EGFLAM: variants seen among roughly 807,000 people sequenced by gnomAD.
EGFLAM encodes pikachurin.
In EGFLAM, 79 loss-of-function variants were observed where a neutral mutation model predicts 113.1. The ratio of observed to expected loss-of-function variants is 0.70; its 90% confidence interval spans 0.58 to 0.84. The LOEUF is 0.84. Ranked by LOEUF, EGFLAM falls within the 40% of genes least tolerant of loss-of-function variation. EGFLAM has a pLI of 0.00. For missense variants in EGFLAM, 1,265 were observed against 1,291.6 expected (o/e 0.98, Z 0.32); for synonymous variants, 504 against 487.6 (o/e 1.03, Z -0.44).
At position 38,281,510 on chromosome 5, in the gene EGFLAM, G is replaced by T. The variant is rs569301811; in HGVS notation, c.97+22659G>T. 5.3e-5 allele frequency among the ~76,000 whole-genome samples: 8 copies of T among 152,314 alleles called. No individual in the cohort carries two copies. In the South Asian group the frequency reaches 1.7e-3, roughly 32 times the overall value. The stretch of plus-strand genomic sequence containing the variant: ...AACTGGACATTCTGTGTTTCTGTTT[G>T]CTAAATCTGAGAACTCTAATCATAT... On this transcript the variant is annotated intron_variant, in intron 1 of 21. Coordinates refer to ENST00000322350, the MANE Select transcript of EGFLAM (RefSeq NM_152403.4).
At chr5:38,408,970 A>G in intron 9 of EGFLAM, 34 bp from the exon 10 acceptor site, 1 of 1,533,812 alleles carries the variant, frequency 6.5e-7, no homozygotes, top group Non-Finnish European at 8.9e-7. Context: ...GGAGGTGCTT[A>G]CTGTTCATGT....
intron 1 of EGFLAM, among the ~76,000 whole-genome samples, chr5:38,312,980 C>T (rs879676439): frequency 5.3e-5 from 8 of 151,980 alleles, no homozygotes; most frequent in African/African-American, 1.4e-4. Flanking sequence ...CCCAGCTACT[C>T]GTGAGTCTGA....
chr5:38,273,407 GGC>G (rs1757813874), intron 1 of EGFLAM, among the ~76,000 whole-genome samples: 1 of 152,242 alleles, frequency 6.6e-6, no homozygotes, highest in African/African-American at 2.4e-5. Flanking sequence ...CAACTACAGA[GGC>G]TTTGGACTCC....
rs1213572891 is a variant in EGFLAM, at chr5:38,313,392, A to G, written c.98-24128A>G. Among the ~76,000 whole-genome samples, 6 of 152,238 alleles carry G rather than the reference A, an allele frequency of 3.9e-5. No individual in the cohort carries two copies. In the East Asian group the frequency reaches 1.2e-3, roughly 29 times the overall value. ...GGCCATCAAGTACAAATATGTTATC[A>G]TAATTTGCTTTAACATCTTACCTGA... On this transcript the variant is annotated intron_variant, in intron 1 of 21. Coordinates refer to ENST00000322350, the MANE Select transcript of EGFLAM (RefSeq NM_152403.4).
chr5:38,317,285 G>A (rs149834118), intron 1 of EGFLAM, among the ~76,000 whole-genome samples: 13 of 152,320 alleles, frequency 8.5e-5, no homozygotes, highest in African/African-American at 3.1e-4. Flanking sequence ...GTATCATCTT[G>A]TTAAGCCATG....
intron 1 of EGFLAM, among the ~76,000 whole-genome samples, chr5:38,309,345 C>T (rs909126972): frequency 6.6e-6 from 1 of 152,160 alleles, no homozygotes; most frequent in Non-Finnish European, 1.5e-5. Flanking sequence ...AAAACTTTTA[C>T]CAGCACACCA....
chr5:38,406,958 C>G lies in EGFLAM; in HGVS notation c.959C>G (p.Thr320Arg). Residue 320 changes from threonine (T) to arginine (R), a missense_variant, in exon 8 of 22, where the codon ACG (threonine) becomes AGG (arginine). Coordinates refer to ENST00000322350, the MANE Select transcript of EGFLAM (RefSeq NM_152403.4). ...ACCTCAGCATCTCTCCCTGTGACCA[C>G]GGTGGCTCCCCAGCCCATTCCCATA... ...PPTSASLPVTTVAPQPIPIQR... is the reference protein window; with the variant it reads ...PPTSASLPVTRVAPQPIPIQR... The G allele has an allele frequency of 6.2e-7, 1 of 1,614,202 alleles. No individual in the cohort carries two copies. Among genetic ancestry groups the G allele is most frequent in the Non-Finnish European group, 8.5e-7 (1 of 1,180,044 alleles).
Position 38,433,560 on chromosome 5 carries a change from C to T in EGFLAM, c.2167-1577C>T, listed in dbSNP as rs147335032. ...TTGTCAGCAGGAGGGTGCTGCATGA[C>T]GATTTTGATGAGCAGCCAAAAGGAA... is the stretch of plus-strand genomic sequence containing the variant. On this transcript the variant is annotated intron_variant, in intron 15 of 21. Coordinates refer to ENST00000322350, the MANE Select transcript of EGFLAM (RefSeq NM_152403.4). Among the ~76,000 whole-genome samples the T allele has an allele frequency of 4.2e-3, 636 of 152,262 alleles. 2 individuals carry two copies. Among genetic ancestry groups the T allele is most frequent in the African/African-American group, 0.013 (538 of 41,546 alleles).
At chr5:38,375,459 A>G (rs1302744468) in intron 6 of EGFLAM, among the ~76,000 whole-genome samples, 1 of 152,102 alleles carries the variant, frequency 6.6e-6, no homozygotes, top group Non-Finnish European at 1.5e-5. Flanking sequence ...GTTCAAGGAG[A>G]TCCTTGAGGC....
chr5:38,458,280 TTCTCTG>T, intron 19 of EGFLAM, 25 bp from the exon 20 acceptor site: 1 of 1,606,270 alleles, frequency 6.2e-7, no homozygotes, highest in South Asian at 1.1e-5. Context: ...TTTTATTCTG[TTCTCTG>T]TCTTCTTCTT....
Position 38,293,099 on chromosome 5 carries a change from G to T in EGFLAM, c.97+34248G>T, listed in dbSNP as rs373357131. On this transcript the variant is annotated intron_variant, in intron 1 of 21. Transcript: ENST00000322350. Reference sequence around the variant, plus strand: ...AGGAGTTTGAAATGCTATTGCCTGAGAACTCTAGTCTAATAAGGGTTTTTA... The same window carrying T: ...AGGAGTTTGAAATGCTATTGCCTGATAACTCTAGTCTAATAAGGGTTTTTA... Among the ~76,000 whole-genome samples, 21 of 152,282 alleles carry T rather than the reference G, an allele frequency of 1.4e-4. No homozygotes were observed. The South Asian group carries it at 2.7e-3, about 20-fold the overall frequency.
intron 5 of EGFLAM, among the ~76,000 whole-genome samples, chr5:38,359,529 G>T (rs1455456635): frequency 6.6e-6 from 1 of 152,130 alleles, no homozygotes. Context: ...ACAAAAATTA[G>T]CCGGGTGTGG....
chr5:38,406,110 G>C lies in EGFLAM; in HGVS notation c.713-16G>C. 1 of 1,608,116 alleles carries C rather than the reference G, an allele frequency of 6.2e-7. No homozygotes were observed. Among genetic ancestry groups the C allele is most frequent in the Non-Finnish European group, 8.5e-7 (1 of 1,174,448 alleles). ...GGCCTGTGCTGATGAAGGGTGTGCT[G>C]CTTTTCTTTGTGAAGGCCCTGAGGA... On this transcript the variant is annotated splice_polypyrimidine_tract_variant and intron_variant, in intron 6 of 21. Transcript: ENST00000322350.
intron 6 of EGFLAM, among the ~76,000 whole-genome samples, chr5:38,390,396 A>C (rs1441926944): frequency 6.6e-6 from 1 of 152,166 alleles, no homozygotes; most frequent in Non-Finnish European, 1.5e-5. Context: ...ATATGAGTAT[A>C]CTGTAGTTGG....
chr5:38,439,685 G>C (rs1004050885), intron 17 of EGFLAM, among the ~76,000 whole-genome samples: 7 of 152,170 alleles, frequency 4.6e-5, no homozygotes, highest in Admixed American at 1.3e-4. Context: ...TTTTAACAAG[G>C]GAGGGTAATT....
chr5:38,437,347 CTGATGGAATTTT>C (rs1248265568), intron 16 of EGFLAM, among the ~76,000 whole-genome samples: 2 of 152,170 alleles, frequency 1.3e-5, no homozygotes, highest in Non-Finnish European at 1.5e-5. Context: ...GGAGGTCCAG[CTGATGGAATTTT>C]AGGAGACTGC....
intron 5 of EGFLAM, among the ~76,000 whole-genome samples, chr5:38,369,020 A>G (rs1579829681): frequency 6.6e-6 from 1 of 152,154 alleles, no homozygotes; most frequent in South Asian, 2.1e-4. Flanking sequence ...GGCCATTCAC[A>G]CTGTCTGCAG....
chr5:38,437,025 G>A (rs532912840), intron 16 of EGFLAM, among the ~76,000 whole-genome samples: 3 of 152,308 alleles, frequency 2.0e-5, no homozygotes, highest in Non-Finnish European at 2.9e-5. Context: ...TTACTGTCTC[G>A]AAGTTCTGCA....
At chr5:38,383,413 C>T (rs1418035813) in intron 6 of EGFLAM, among the ~76,000 whole-genome samples, 1 of 144,670 alleles carries the variant, frequency 6.9e-6, no homozygotes, top group Non-Finnish European at 1.5e-5. Flanking sequence ...ATTTGTCAGG[C>T]CTTTTTTTTT....
Sources: allele counts gnomAD v4.1 joint callset (sites outside exome capture counted in the v4.1 genomes callset), GRCh38; gene constraint gnomAD v4.1.1; transcripts MANE v1.5; gene names NCBI Gene and HGNC (gene_info 2026-07-23, HGNC 2026-07-21).